The following KCNH7 variants were observed in gnomAD, a reference collection of about 807,000 sequenced individuals.
KCNH7 encodes the protein potassium voltage-gated channel subfamily H member 7.
KCNH7 carries 49 observed loss-of-function variants against 120.8 expected under a neutral mutation model. That is an observed-to-expected ratio of 0.41 (90% CI 0.32 to 0.51). KCNH7 has a LOEUF of 0.51. KCNH7 is among the 20% of genes least tolerant of loss of function. The pLI, the probability that KCNH7 is intolerant of heterozygous loss-of-function variation, is 0.38. For synonymous variants in KCNH7, 547 were observed against 516.1 expected, an observed-to-expected ratio of 1.06 and a Z score of -0.81; for missense variants, 1,097 against 1,446.6, an observed-to-expected ratio of 0.76 and a Z score of 3.92.
At chr2:162,611,963 C>T (rs1024004020) in intron 2 of KCNH7, among the ~76,000 whole-genome samples, 1 of 152,142 alleles carries the variant, frequency 6.6e-6, no homozygotes, top group Non-Finnish European at 1.5e-5. Context: ...GCAGGAAGGA[C>T]AGATGTTTGG....
chr2:162,823,616 A>T (rs901024234), intron 2 of KCNH7, among the ~76,000 whole-genome samples: 16 of 152,216 alleles, frequency 1.1e-4, no homozygotes, highest in Non-Finnish European at 2.2e-4. Context: ...ACTTCATAGT[A>T]TAATAATGTC....
intron 2 of KCNH7, among the ~76,000 whole-genome samples, chr2:162,580,625 G>A (rs1166141803): frequency 6.6e-6 from 1 of 152,024 alleles, no homozygotes; most frequent in Non-Finnish European, 1.5e-5. Context: ...TAGAAAGGAG[G>A]TTCCCTCTGA....
At chr2:162,833,740 T>C (rs1403774454) in intron 2 of KCNH7, among the ~76,000 whole-genome samples, 3 of 152,136 alleles carry the variant, frequency 2.0e-5, no homozygotes, top group Non-Finnish European at 4.4e-5. Flanking sequence ...ACTGCATCAA[T>C]GTGAACTCAT....
chr2:162,484,513 C>T (rs940718630), intron 6 of KCNH7, among the ~76,000 whole-genome samples: 37 of 152,028 alleles, frequency 2.4e-4, no homozygotes, highest in African/African-American at 8.5e-4. Context: ...CCAGAGAGAC[C>T]GCAATAAGTC....
At chr2:162,492,193 C>T (rs1690333230) in intron 6 of KCNH7, among the ~76,000 whole-genome samples, 1 of 152,164 alleles carries the variant, frequency 6.6e-6, no homozygotes, top group African/African-American at 2.4e-5. Flanking sequence ...GGATTTGTGC[C>T]TTGTCTTAAG....
At chr2:162,432,058 G>C (rs553572810) in intron 8 of KCNH7, among the ~76,000 whole-genome samples, 17 of 152,036 alleles carry the variant, frequency 1.1e-4, no homozygotes, top group Admixed American at 9.2e-4. Flanking sequence ...AAAATTCTAA[G>C]TTTCAAAATA....
chr2:162,721,800 A>G (rs565853527), intron 2 of KCNH7, among the ~76,000 whole-genome samples: 37 of 152,252 alleles, frequency 2.4e-4, no homozygotes, highest in Non-Finnish European at 4.7e-4. Context: ...AGAATTTCAA[A>G]TAAGTATCTG....
chr2:162,585,111 T>C (rs185915618), intron 2 of KCNH7, among the ~76,000 whole-genome samples: 95 of 152,112 alleles, frequency 6.2e-4, no homozygotes, highest in Admixed American at 6.2e-3. Flanking sequence ...TCCCAGATGA[T>C]GTGGATGGAA....
chr2:162,401,374 C>T (rs961426067), intron 9 of KCNH7, among the ~76,000 whole-genome samples: 2 of 151,818 alleles, frequency 1.3e-5, no homozygotes, highest in Non-Finnish European at 2.9e-5. Flanking sequence ...CAAGCAGACT[C>T]ATTTAAATAC....
At chr2:162,800,288 G>A (rs564520638) in intron 2 of KCNH7, among the ~76,000 whole-genome samples, 5 of 151,888 alleles carry the variant, frequency 3.3e-5, no homozygotes, top group Admixed American at 2.6e-4. Context: ...TATTTAAATA[G>A]AGACGGGAAA....
chr2:162,612,941 CA>C (rs1414480174), intron 2 of KCNH7, among the ~76,000 whole-genome samples: 1 of 151,818 alleles, frequency 6.6e-6, no homozygotes, highest in Non-Finnish European at 1.5e-5. Flanking sequence ...GAATTTAGTA[CA>C]GAGATACAAA....
intron 15 of KCNH7, 66 bp from the exon 16 acceptor site, chr2:162,372,161 C>CT: frequency 8.0e-7 from 1 of 1,255,182 alleles, no homozygotes; most frequent in African/African-American, 1.5e-5. Flanking sequence ...GAAAATTACA[C>CT]TAATAAAAAC....
At chr2:162,573,594 A>G (rs543746273) in intron 2 of KCNH7, among the ~76,000 whole-genome samples, 1 of 152,106 alleles carries the variant, frequency 6.6e-6, no homozygotes, top group South Asian at 2.1e-4. Flanking sequence ...TGTAGAGAAC[A>G]TTATTATTTT....
intron 8 of KCNH7, among the ~76,000 whole-genome samples, chr2:162,428,733 C>T (rs2105504441): frequency 6.6e-6 from 1 of 151,926 alleles, no homozygotes. Flanking sequence ...TGAGTGCATA[C>T]ACATTTAGGA....
At chr2:162,477,817 T>TCC (rs1689798062) in intron 6 of KCNH7, among the ~76,000 whole-genome samples, 1 of 148,902 alleles carries the variant, frequency 6.7e-6, no homozygotes, top group Non-Finnish European at 1.5e-5. Flanking sequence ...CCCAAACATC[T>TCC]ATCCATCCAT....
intron 2 of KCNH7, among the ~76,000 whole-genome samples, chr2:162,763,000 A>G (rs1426902185): frequency 2.6e-5 from 4 of 152,090 alleles, no homozygotes; most frequent in Non-Finnish European, 4.4e-5. Flanking sequence ...TCTTGAAAGT[A>G]TTTTATAATA....
chr2:162,687,221 G>T (rs1685926234), intron 2 of KCNH7, among the ~76,000 whole-genome samples: 1 of 152,048 alleles, frequency 6.6e-6, no homozygotes, highest in African/African-American at 2.4e-5. Flanking sequence ...GATTTGCGTT[G>T]CCATGTAGTC....
chr2:162,455,605 C>T (rs1441430401), intron 6 of KCNH7, among the ~76,000 whole-genome samples: 1 of 152,118 alleles, frequency 6.6e-6, no homozygotes, highest in Non-Finnish European at 1.5e-5. Context: ...ATTACTGCCT[C>T]AATTTCAGAA....
At chr2:162,798,187 G>C (rs1392338744) in intron 2 of KCNH7, among the ~76,000 whole-genome samples, 3 of 151,954 alleles carry the variant, frequency 2.0e-5, no homozygotes, top group Admixed American at 6.6e-5. Flanking sequence ...GTTTTCCTTA[G>C]TAGAAGCATC....
Sources: allele counts gnomAD v4.1 joint callset (sites outside exome capture counted in the v4.1 genomes callset), GRCh38; gene constraint gnomAD v4.1.1; transcripts MANE v1.5; gene names NCBI Gene and HGNC (gene_info 2026-07-23, HGNC 2026-07-21).